The following SWT1 variants were observed in gnomAD, a reference collection of about 807,000 sequenced individuals.
SWT1 encodes transcriptional protein SWT1.
In SWT1, 33 loss-of-function variants were observed where a neutral mutation model predicts 107.3. That is an observed-to-expected ratio of 0.31 (90% CI 0.23 to 0.41). SWT1 has a LOEUF of 0.41. Ranked by LOEUF, SWT1 falls within the 10% of genes least tolerant of loss-of-function variation. SWT1 has a pLI of 1.00. For missense variants in SWT1, 898 were observed against 1,028.9 expected, an observed-to-expected ratio of 0.87 and a Z score of 1.74; for synonymous variants, 345 against 348.3, an observed-to-expected ratio of 0.99 and a Z score of 0.11.
chr1:185,232,554 T>G (rs1286881672), intron 16 of SWT1, among the ~76,000 whole-genome samples: 1 of 152,124 alleles, frequency 6.6e-6, no homozygotes, highest in African/African-American at 2.4e-5. Flanking sequence ...CAAAAGGTAT[T>G]AGTATTTTAA....
At chr1:185,170,788 T>G (rs1657075234) in intron 4 of SWT1, among the ~76,000 whole-genome samples, 1 of 152,210 alleles carries the variant, frequency 6.6e-6, no homozygotes, top group African/African-American at 2.4e-5. Context: ...ACTGTTTCTT[T>G]CTATAGGACT....
chr1:185,231,995 C>T (rs533062988), intron 16 of SWT1, among the ~76,000 whole-genome samples: 1 of 152,144 alleles, frequency 6.6e-6, no homozygotes, highest in African/African-American at 2.4e-5. Context: ...GTTGATTTTG[C>T]TATGTTCAAG....
At chr1:185,233,910 A>AT (rs1207121276) in intron 16 of SWT1, among the ~76,000 whole-genome samples, 2 of 151,752 alleles carry the variant, frequency 1.3e-5, no homozygotes, top group Non-Finnish European at 2.9e-5. Context: ...TGCCCAGCTA[A>AT]TTTTTTTGTA....
intron 18 of SWT1, among the ~76,000 whole-genome samples, chr1:185,277,851 A>C (rs1460751849): frequency 6.6e-6 from 1 of 152,172 alleles, no homozygotes; most frequent in East Asian, 1.9e-4. Flanking sequence ...TTATAACAAA[A>C]ATAAGTTGAT....
chr1:185,198,844 G>A (rs1657626626), intron 10 of SWT1, among the ~76,000 whole-genome samples: 1 of 150,740 alleles, frequency 6.6e-6, no homozygotes, highest in Non-Finnish European at 1.5e-5. Context: ...TTTCACATGA[G>A]ATGGGGCTCC....
intron 16 of SWT1, among the ~76,000 whole-genome samples, chr1:185,238,483 TTAAA>T (rs1661050167): frequency 6.6e-6 from 1 of 152,194 alleles, no homozygotes; most frequent in East Asian, 1.9e-4. Flanking sequence ...CCAGACTAAC[TTAAA>T]TAAAAATATC....
rs896839230 is a variant in SWT1 at position 185,225,087 on chromosome 1, C to T, written c.2309+3051C>T. ...ATGGCCTTTATTGCATTGAGGTATG[C>T]TCCTTCTGTATCTAATTTTTTGGGA... On this transcript the variant is annotated intron_variant, in intron 15 of 18. Transcript: ENST00000367500. 2.0e-5 allele frequency among the ~76,000 whole-genome samples: 3 copies of T among 152,128 alleles called. No individual in the cohort carries two copies. In the East Asian group the frequency reaches 5.8e-4, roughly 29 times the overall value.
chr1:185,246,993 A>C (rs1661662377), intron 16 of SWT1, among the ~76,000 whole-genome samples: 1 of 152,088 alleles, frequency 6.6e-6, no homozygotes, highest in South Asian at 2.1e-4. Context: ...GACTGGTAAA[A>C]ACTCAAACTA....
At chr1:185,190,526 TG>T (rs747684218) in intron 9 of SWT1, 22 bp from the exon 10 acceptor site, 1 of 1,392,380 alleles carries the variant, frequency 7.2e-7, no homozygotes, top group Non-Finnish European at 1.0e-6. Flanking sequence ...ACTTACTGAC[TG>T]TTGCCTTTAC....
At chr1:185,178,714 GTTA>G (rs1655777998) in intron 5 of SWT1, among the ~76,000 whole-genome samples, 1 of 152,206 alleles carries the variant, frequency 6.6e-6, no homozygotes, top group Non-Finnish European at 1.5e-5. Flanking sequence ...CACAAGTTCT[GTTA>G]ATAATCTCTG....
intron 14 of SWT1, among the ~76,000 whole-genome samples, chr1:185,220,200 C>CT (rs1171218835): frequency 2.1e-3 from 277 of 130,726 alleles, no homozygotes; most frequent in Non-Finnish European, 3.4e-3. Flanking sequence ...TTTTTGCACT[C>CT]TTTTTTTTTT....
rs71101966 is a variant in SWT1 at position 185,268,853 on chromosome 1, C to CTTTT, written c.2442-2456_2442-2453dup. 1.5e-5 allele frequency among the ~76,000 whole-genome samples: 2 copies of CTTTT among 134,582 alleles called. 1 individual carries two copies. The highest frequency in any genetic ancestry group is 3.2e-5 in the Non-Finnish European group (2 of 62,998). 88.3% of individuals were successfully genotyped at this position (134,582 alleles called of 152,430 possible). ...GATAGTTTGTTTTCTTTCTTTTTCTCTTTTTTTTTTTTTTTTTGAGACGGA... is the reference window on the plus strand; with the variant it reads ...GATAGTTTGTTTTCTTTCTTTTTCTCTTTTTTTTTTTTTTTTTTTTTGAGACGGA... On this transcript the variant is annotated intron_variant, in intron 16 of 18. Transcript: ENST00000367500.
intron 16 of SWT1, among the ~76,000 whole-genome samples, chr1:185,257,217 G>A (rs1355068279): frequency 6.6e-6 from 1 of 152,088 alleles, no homozygotes; most frequent in South Asian, 2.1e-4. Context: ...GTCTGCAGAG[G>A]TTACTGCTGT....
chr1:185,198,397 A>G (rs1453976957), intron 10 of SWT1, among the ~76,000 whole-genome samples: 2 of 152,204 alleles, frequency 1.3e-5, no homozygotes, highest in Non-Finnish European at 2.9e-5. Context: ...ATGTGCTGAG[A>G]AGAATGTATA....
At chr1:185,272,227 T>G (rs1663921634) in intron 17 of SWT1, among the ~76,000 whole-genome samples, 1 of 152,256 alleles carries the variant, frequency 6.6e-6, no homozygotes, top group Non-Finnish European at 1.5e-5. Context: ...GAGGCTTCAG[T>G]GTATTTTGTA....
intron 2 of SWT1, among the ~76,000 whole-genome samples, chr1:185,162,248 C>T (rs1654213003): frequency 6.6e-6 from 1 of 152,188 alleles, no homozygotes; most frequent in South Asian, 2.1e-4. Context: ...CTTTTTCTTT[C>T]CGTAACTCCT....
At chr1:185,230,184 G>A (rs534751257) in intron 15 of SWT1, among the ~76,000 whole-genome samples, 24 of 152,158 alleles carry the variant, frequency 1.6e-4, no homozygotes, top group Non-Finnish European at 2.1e-4. Flanking sequence ...AAAGTCTACC[G>A]TAGTCAACAT....
chr1:185,233,002 G>T (rs567421359), intron 16 of SWT1, among the ~76,000 whole-genome samples: 1 of 152,222 alleles, frequency 6.6e-6, no homozygotes, highest in South Asian at 2.1e-4. Flanking sequence ...TTATCTAGTG[G>T]TTCTCAAAGT....
chr1:185,217,942 G>A (rs548653226), intron 14 of SWT1, among the ~76,000 whole-genome samples: 14 of 152,248 alleles, frequency 9.2e-5, no homozygotes, highest in Admixed American at 2.0e-4. Flanking sequence ...GAAATAAAGT[G>A]CACAATAAAT....
Sources: gnomAD v4.1 joint callset for allele counts (sites outside exome capture counted in the v4.1 genomes callset) on GRCh38, gnomAD v4.1.1 for gene constraint, MANE v1.5 for transcripts, NCBI Gene and HGNC (gene_info 2026-07-23, HGNC 2026-07-21) for gene names.